PDE1C: variants seen among roughly 807,000 people sequenced by gnomAD.
PDE1C encodes dual specificity calcium/calmodulin-dependent 3',5'-cyclic nucleotide phosphodiesterase 1C.
PDE1C carries 62 observed loss-of-function variants against 93.1 expected under a neutral mutation model. The ratio of observed to expected loss-of-function variants is 0.67; its 90% CI spans 0.54 to 0.82. The LOEUF (loss-of-function observed/expected upper bound fraction) is 0.82, where lower values mean the gene tolerates loss of function less well. Ranked by LOEUF, PDE1C falls within the 40% of genes least tolerant of loss-of-function variation. PDE1C has a pLI of 0.00. For synonymous variants in PDE1C, 325 were observed against 310.1 expected (o/e 1.05, Z -0.50); for missense variants, 742 against 884.6 (o/e 0.84, Z 2.04).
intron 2 of PDE1C, among the ~76,000 whole-genome samples, chr7:31,967,428 A>C (rs1447269839): frequency 1.3e-5 from 2 of 151,206 alleles, no homozygotes; most frequent in African/African-American, 4.9e-5. Flanking sequence ...TGAATCTCTG[A>C]ATAGATCAAT....
intron 6 of PDE1C, among the ~76,000 whole-genome samples, chr7:31,871,849 A>G (rs897389126): frequency 1.3e-5 from 2 of 152,126 alleles, no homozygotes; most frequent in African/African-American, 4.8e-5. Flanking sequence ...CAATCCAGCA[A>G]TCTCACTACT....
At chr7:32,298,587 C>T (rs953974987) in intron 1 of PDE1C, 2 of 1,535,648 alleles carry the variant, frequency 1.3e-6, no homozygotes, top group Non-Finnish European at 1.8e-6. Flanking sequence ...GAAAGGAACT[C>T]TGACCGCCAC....
Position 31,859,763 on chromosome 7 carries a change from G to A in PDE1C, c.750+5179C>T, listed in dbSNP as rs989593736. ...CTTCAGGATGAGAATCTCCCCAGAG[G>A]TAACCACTATCTTCAATTTACTGTT... On this transcript the variant is annotated intron_variant, in intron 7 of 17. Coordinates refer to ENST00000396191, the MANE Select transcript of PDE1C (RefSeq NM_001191057.4). Among the ~76,000 whole-genome samples, 6 of 152,132 alleles carry A rather than the reference G, an allele frequency of 3.9e-5. No individual in the cohort carries two copies. The East Asian group carries it at 1.2e-3, about 29-fold the overall frequency.
At chr7:32,427,760 T>C (rs954564628) in intron 1 of PDE1C, 6 of 152,218 alleles carry the variant, frequency 3.9e-5, no homozygotes, top group Non-Finnish European at 5.9e-5. Flanking sequence ...CTTTCTCTTT[T>C]CCCCCAGAAA....
chr7:32,054,909 G>A (rs1288547220), intron 1 of PDE1C, among the ~76,000 whole-genome samples: 1 of 152,116 alleles, frequency 6.6e-6, no homozygotes, highest in African/African-American at 2.4e-5. Context: ...AGGCCTGACT[G>A]AGCCCTACTC....
chr7:32,391,338 C>G lies in PDE1C; in HGVS notation c.310+36484G>C, dbSNP rs183084119. ...TCTATACATACCTAACAACAAAGCC[C>G]CAATACACATGAAGCAAAAATTGAC... On this transcript the variant is annotated intron_variant, in intron 1 of 1. Coordinates refer to the PDE1C transcript ENST00000672256. 7.3e-3 allele frequency among the ~76,000 whole-genome samples: 1,112 copies of G among 152,064 alleles called. 17 individuals carry two copies. The highest frequency in any genetic ancestry group is 0.025 in the African/African-American group (1,056 of 41,496).
At chr7:32,176,474 T>C (rs750409798) in intron 2 of PDE1C, among the ~76,000 whole-genome samples, 3 of 152,208 alleles carry the variant, frequency 2.0e-5, no homozygotes, top group Non-Finnish European at 4.4e-5. Flanking sequence ...CACATTTGTA[T>C]ATAGTTTTTA....
At chr7:32,360,986 G>T (rs760904237) in intron 1 of PDE1C, among the ~76,000 whole-genome samples, 1 of 152,170 alleles carries the variant, frequency 6.6e-6, no homozygotes, top group African/African-American at 2.4e-5. Context: ...AAAAACAATC[G>T]TAGGAAGGAG....
At chr7:32,359,434 A>G (rs962303837) in intron 1 of PDE1C, among the ~76,000 whole-genome samples, 3 of 151,900 alleles carry the variant, frequency 2.0e-5, no homozygotes, top group Non-Finnish European at 2.9e-5. Flanking sequence ...TGACTCATTT[A>G]TTTTATTCAT....
At chr7:32,325,398 G>A (rs531078210) in intron 1 of PDE1C, among the ~76,000 whole-genome samples, 20 of 152,114 alleles carry the variant, frequency 1.3e-4, no homozygotes, top group Admixed American at 8.5e-4. Flanking sequence ...CCACAGTGCT[G>A]TCTCCCTCTC....
the PDE1C span, among the ~76,000 whole-genome samples, chr7:31,617,991 TAAAC>T: frequency 2.6e-5 from 4 of 152,204 alleles, no homozygotes; most frequent in Non-Finnish European, 5.9e-5. Context: ...TGTCATTAGA[TAAAC>T]TGTTTATGCT....
intron 4 of PDE1C, among the ~76,000 whole-genome samples, chr7:31,878,370 C>G (rs183944114): frequency 4.5e-4 from 69 of 152,224 alleles, no homozygotes; most frequent in African/African-American, 1.4e-3. Context: ...GTAATTTAGC[C>G]TGAATGAAGA....
intron 1 of PDE1C, among the ~76,000 whole-genome samples, chr7:32,332,587 A>G (rs62457540): frequency 0.075 from 11,382 of 152,210 alleles, 495 homozygotes; most frequent in Non-Finnish European, 0.093. Context: ...ACATACCACA[A>G]TGTTTTTAGG....
At chr7:32,420,689 A>C (rs1463075150) in intron 1 of PDE1C, among the ~76,000 whole-genome samples, 1 of 151,604 alleles carries the variant, frequency 6.6e-6, no homozygotes, top group Non-Finnish European at 1.5e-5. Flanking sequence ...ATTTTTTTTA[A>C]TTTGACAAAC....
chr7:31,903,872 C>A (rs897067305), intron 2 of PDE1C, among the ~76,000 whole-genome samples: 5 of 152,012 alleles, frequency 3.3e-5, no homozygotes, highest in Admixed American at 2.0e-4. Flanking sequence ...GTCAAAGGAC[C>A]AATATTAATG....
At chr7:31,624,075 G>T in the PDE1C span, among the ~76,000 whole-genome samples, 1 of 150,772 alleles carries the variant, frequency 6.6e-6, no homozygotes, top group Non-Finnish European at 1.5e-5. Flanking sequence ...GGATGTGAAG[G>T]ACCTCTTCAA....
At chr7:32,025,522 G>A (rs896394937) in intron 2 of PDE1C, among the ~76,000 whole-genome samples, 14 of 151,190 alleles carry the variant, frequency 9.3e-5, no homozygotes, top group Non-Finnish European at 1.9e-4. Flanking sequence ...GCTGGTTGAC[G>A]TTTCCAAGAC....
At chr7:32,039,564 C>G (rs1169115085) in intron 2 of PDE1C, among the ~76,000 whole-genome samples, 4 of 152,210 alleles carry the variant, frequency 2.6e-5, no homozygotes, top group Non-Finnish European at 5.9e-5. Context: ...GGTGGCAGAG[C>G]TCCGCGATTC....
At position 31,925,618 on chromosome 7, in the gene PDE1C, C is replaced by G. The variant is rs139609347; in HGVS notation, c.129-44758G>C. On this transcript the variant is annotated intron_variant, in intron 2 of 17. Coordinates refer to ENST00000396191, the MANE Select transcript of PDE1C (RefSeq NM_001191057.4). ...AGAAACCACTGACAAACTCTGAAGA[C>G]TAGGGTGTCTCTAGGGTGGAAGGGA... is the stretch of plus-strand genomic sequence containing the variant. 9.9e-5 allele frequency among the ~76,000 whole-genome samples: 15 copies of G among 152,224 alleles called. No individual in the cohort carries two copies. In the East Asian group the frequency reaches 2.5e-3, roughly 25 times the overall value.
Sources: gnomAD v4.1 joint callset for allele counts (sites outside exome capture counted in the v4.1 genomes callset) on GRCh38, gnomAD v4.1.1 for gene constraint, MANE v1.5 for transcripts, NCBI Gene and HGNC (gene_info 2026-07-23, HGNC 2026-07-21) for gene names.